STXBP5L: variants seen among roughly 807,000 people sequenced by gnomAD.
STXBP5L encodes syntaxin-binding protein 5-like.
A neutral mutation model predicts 144.5 loss-of-function variants in STXBP5L; 65 were observed. The observed-to-expected ratio is 0.45, with a 90% confidence interval of 0.37 to 0.55. The LOEUF (loss-of-function observed/expected upper bound fraction) is 0.55, where lower values mean the gene tolerates loss of function less well. Ranked by LOEUF, STXBP5L falls within the 20% of genes least tolerant of loss-of-function variation. The pLI, the probability that STXBP5L is intolerant of heterozygous loss-of-function variation, is 0.00. For synonymous variants in STXBP5L, 505 were observed against 469.6 expected (o/e 1.08, Z -0.97); for missense variants, 1,298 against 1,405.5 (o/e 0.92, Z 1.22).
At chr3:121,052,786 G>A (rs1948121666) in intron 5 of STXBP5L, among the ~76,000 whole-genome samples, 1 of 152,066 alleles carries the variant, frequency 6.6e-6, no homozygotes. Context: ...TATTCAATTA[G>A]GAAAAGAGAA....
rs775268357 is a variant in STXBP5L at position 121,382,113 on chromosome 3, T to TGAA, written c.2587+587_2587+589dup. Among the ~76,000 whole-genome samples, 890 of 152,108 alleles carry TGAA rather than the reference T, an allele frequency of 5.9e-3. 2 individuals carry two copies. Among genetic ancestry groups the TGAA allele is most frequent in the Non-Finnish European group, 0.01 (682 of 68,002 alleles). ...TCCTCCTTGAATTATCTTTTTTTTT[T>TGAA]GAAGAAGAGATAAGTATGATTCCTC... On this transcript the variant is annotated intron_variant, in intron 22 of 26. Transcript: ENST00000471454.
chr3:121,418,528 G>T lies in STXBP5L; in HGVS notation c.3418G>T (p.Ala1140Ser). The T allele has an allele frequency of 6.2e-7, 1 of 1,614,004 alleles. No individual in the cohort carries two copies. Among genetic ancestry groups the T allele is most frequent in the Non-Finnish European group, 8.5e-7 (1 of 1,179,938 alleles). The change falls in exon 26 of 27, where the codon GCA (alanine) becomes TCA (serine). Residue 1140 changes from alanine (A) to serine (S), a missense_variant. Physicochemically the swap from Ala to Ser is moderately conservative, Grantham distance 99 (BLOSUM62 1). Coordinates refer to ENST00000471454, the MANE Select transcript of STXBP5L (RefSeq NM_001308330.2). ...EEKTAGMMTS[A>S]EAFSKHAHEL... ...GAAAACTGCAGGCATGATGACCAGT[G>T]CAGAAGCATTTTCCAAACATGCACA...
intron 20 of STXBP5L, among the ~76,000 whole-genome samples, chr3:121,325,485 C>CA (rs1194467712): frequency 6.6e-6 from 1 of 151,510 alleles, no homozygotes; most frequent in Non-Finnish European, 1.5e-5. Flanking sequence ...TTGGGAATTA[C>CA]AAAAAATAAT....
intron 5 of STXBP5L, among the ~76,000 whole-genome samples, chr3:121,083,962 TTTTC>T (rs549395183): frequency 3.4e-4 from 51 of 152,224 alleles, no homozygotes; most frequent in Non-Finnish European, 6.0e-4. Flanking sequence ...TTGCACTGTT[TTTTC>T]TTTTTTTCTC....
chr3:121,018,191 C>A (rs1326803500), intron 3 of STXBP5L, among the ~76,000 whole-genome samples: 1 of 151,956 alleles, frequency 6.6e-6, no homozygotes. Context: ...CAATTTAGTC[C>A]CAGCAAGTTA....
intron 5 of STXBP5L, among the ~76,000 whole-genome samples, chr3:121,109,720 G>A (rs1164532163): frequency 6.6e-6 from 1 of 152,172 alleles, no homozygotes; most frequent in Non-Finnish European, 1.5e-5. Flanking sequence ...GAGTTCTGTA[G>A]ATACCCAGAC....
intron 5 of STXBP5L, among the ~76,000 whole-genome samples, chr3:121,057,704 A>T (rs1362169765): frequency 1.3e-5 from 2 of 152,018 alleles, no homozygotes; most frequent in African/African-American, 4.8e-5. Context: ...ATATTCTGCA[A>T]TTTGATTAAC....
At chr3:120,944,486 T>TTA (rs1302982774) in intron 2 of STXBP5L, among the ~76,000 whole-genome samples, 2 of 151,724 alleles carry the variant, frequency 1.3e-5, no homozygotes, top group African/African-American at 2.4e-5. Context: ...CCCATTTCTA[T>TTA]TATATATATT....
At position 121,413,154 on chromosome 3, in the gene STXBP5L, TCAGCC is replaced by T; in HGVS notation, c.2949-3_2950del. ...GATATATGGATTTACTTTTTTCCATTCAGCCTACCTAGTCTTCGCCCAATGTTGGA... is the reference window on the plus strand; with the variant it reads ...GATATATGGATTTACTTTTTTCCATTTACCTAGTCTTCGCCCAATGTTGGA... On this transcript the variant is annotated splice_acceptor_variant and splice_polypyrimidine_tract_variant and coding_sequence_variant and intron_variant, in exon 24 of 27. Transcript: ENST00000471454. LOFTEE classifies it high-confidence loss of function. 6.4e-7 allele frequency: 1 copy of T among 1,568,144 alleles called. No homozygotes were observed. The highest frequency in any genetic ancestry group is 8.6e-7 in the Non-Finnish European group (1 of 1,161,054).
intron 5 of STXBP5L, among the ~76,000 whole-genome samples, chr3:121,106,536 G>T (rs918122593): frequency 6.6e-6 from 1 of 152,070 alleles, no homozygotes; most frequent in Non-Finnish European, 1.5e-5. Flanking sequence ...GAGGATAATG[G>T]CTTTGAGCTC....
chr3:121,097,473 G>T (rs1245505976), intron 5 of STXBP5L, among the ~76,000 whole-genome samples: 1 of 152,222 alleles, frequency 6.6e-6, no homozygotes, highest in African/African-American at 2.4e-5. Context: ...TGGTCTGCGG[G>T]GTTGCAAAGA....
intron 20 of STXBP5L, 92 bp from the exon 21 acceptor site, chr3:121,378,624 T>C (rs1366305884): frequency 1.5e-6 from 2 of 1,301,916 alleles, no homozygotes; most frequent in African/African-American, 3.0e-5. Flanking sequence ...AAGGAATTGT[T>C]GCTCATCTTC....
chr3:120,982,341 A>G (rs531579580), intron 3 of STXBP5L, among the ~76,000 whole-genome samples: 3 of 152,306 alleles, frequency 2.0e-5, no homozygotes, highest in African/African-American at 4.8e-5. Flanking sequence ...AAGCTCACCC[A>G]TGAATACCCT....
intron 9 of STXBP5L, among the ~76,000 whole-genome samples, chr3:121,198,960 C>G (rs908722364): frequency 1.3e-5 from 2 of 152,098 alleles, no homozygotes; most frequent in Admixed American, 6.6e-5. Flanking sequence ...AGTGTCTTAC[C>G]TATACGGGTT....
At chr3:121,319,183 T>A (rs2108532446) in intron 20 of STXBP5L, among the ~76,000 whole-genome samples, 1 of 152,274 alleles carries the variant, frequency 6.6e-6, no homozygotes, top group Admixed American at 6.5e-5. Context: ...TAATTCTGAT[T>A]TTTCTATAAT....
intron 19 of STXBP5L, among the ~76,000 whole-genome samples, chr3:121,285,168 C>T (rs2051188116): frequency 6.6e-6 from 1 of 152,020 alleles, no homozygotes; most frequent in Admixed American, 6.6e-5. Context: ...CTATTCTACT[C>T]TGCTAGTCAG....
intron 20 of STXBP5L, among the ~76,000 whole-genome samples, chr3:121,365,512 T>C (rs1489657802): frequency 3.3e-5 from 5 of 151,816 alleles, no homozygotes. Flanking sequence ...GCAAGTTTTG[T>C]GTTTCAGGAA....
chr3:120,985,501 G>A (rs1470437135), intron 3 of STXBP5L, among the ~76,000 whole-genome samples: 1 of 152,012 alleles, frequency 6.6e-6, no homozygotes, highest in African/African-American at 2.4e-5. Flanking sequence ...TCACCATGCT[G>A]TGTAATAGAT....
chr3:121,054,013 G>A (rs535829125), intron 5 of STXBP5L, among the ~76,000 whole-genome samples: 44 of 152,276 alleles, frequency 2.9e-4, no homozygotes, highest in African/African-American at 1.1e-3. Flanking sequence ...CTGGCCATCA[G>A]AGAAATGCAA....
Sources: allele counts gnomAD v4.1 joint callset (sites outside exome capture counted in the v4.1 genomes callset), GRCh38; gene constraint gnomAD v4.1.1; transcripts MANE v1.5; gene names NCBI Gene and HGNC (gene_info 2026-07-23, HGNC 2026-07-21).